DOCK2: variants seen among roughly 807,000 people sequenced by gnomAD.
DOCK2 encodes dedicator of cytokinesis 2.
A neutral mutation model predicts 248.9 loss-of-function variants in DOCK2; 87 were observed. That is an observed-to-expected ratio of 0.35 (90% CI 0.29 to 0.42). The LOEUF is 0.42. Ranked by LOEUF, DOCK2 falls within the 10% of genes least tolerant of loss-of-function variation. The pLI is 1.00. For missense variants in DOCK2, 1,747 were observed against 2,300.2 expected, an observed-to-expected ratio of 0.76 and a Z score of 4.92; for synonymous variants, 805 against 821.6, an observed-to-expected ratio of 0.98 and a Z score of 0.35.
Position 169,840,829 on chromosome 5 carries a change from A to G in DOCK2, c.2776A>G (p.Met926Val), listed in dbSNP as rs756203819. ...GACAGTGAACCGGACAGTCATCACC[A>G]TGGGCCGGGATCACATTCTGATTGT... ...LRTVNRTVIT[M>V]GRDHILISHF... Residue 926 changes from methionine (M) to valine (V), a missense_variant, in exon 27 of 52, where the codon ATG becomes GTG. Around this residue, in one of 4 missense-constraint regions of DOCK2, gnomAD observed 858 missense variants for 1,183.5 expected, o/e 0.72. Coordinates refer to ENST00000520908, the MANE Select transcript of DOCK2 (RefSeq NM_004946.3). 2.5e-6 allele frequency: 4 copies of G among 1,613,902 alleles called. No homozygotes were observed. The highest frequency in any genetic ancestry group is 2.2e-5 in the East Asian group (1 of 44,864).
chr5:169,848,917 C>G (rs1770471185), intron 27 of DOCK2, among the ~76,000 whole-genome samples: 1 of 152,132 alleles, frequency 6.6e-6, no homozygotes, highest in Admixed American at 6.5e-5. Context: ...CTTCAAAGCT[C>G]TGACTTCACT....
intron 27 of DOCK2, among the ~76,000 whole-genome samples, chr5:169,847,664 C>T (rs1307533123): frequency 6.6e-6 from 1 of 152,078 alleles, no homozygotes; most frequent in Non-Finnish European, 1.5e-5. Flanking sequence ...TTTTCTATCT[C>T]CCAAGCTCCT....
chr5:169,979,880 C>A (rs1218767609), intron 27 of DOCK2, among the ~76,000 whole-genome samples: 1 of 152,154 alleles, frequency 6.6e-6, no homozygotes, highest in Non-Finnish European at 1.5e-5. Context: ...AACAGCCACT[C>A]TCTCTAGATG....
chr5:169,836,838 GA>G (rs550506818), intron 26 of DOCK2, among the ~76,000 whole-genome samples: 33 of 148,984 alleles, frequency 2.2e-4, no homozygotes, highest in African/African-American at 6.9e-4. Context: ...AAAGAAAAAT[GA>G]AAAAAAAAGG....
chr5:169,641,398 GTCGCA>G (rs2113084908), intron 1 of DOCK2, among the ~76,000 whole-genome samples: 1 of 152,328 alleles, frequency 6.6e-6, no homozygotes, highest in South Asian at 2.1e-4. Flanking sequence ...GGGTGATGCT[GTCGCA>G]GCCCAGGACC....
rs573792558 is a variant in DOCK2 at position 170,016,538 on chromosome 5, A to G, written c.3233-2422A>G. ...TGAGGTCACACTGTATTTGGAGATC[A>G]CCATCTCTCTCTCCGCTTTCCCTAT... On this transcript the variant is annotated intron_variant, in intron 32 of 51. Transcript: ENST00000520908. 6.6e-5 allele frequency among the ~76,000 whole-genome samples: 10 copies of G among 152,344 alleles called. No homozygotes were observed. In the South Asian group the frequency reaches 1.0e-3, roughly 16 times the overall value.
At chr5:169,826,252 G>C (rs532599587) in intron 26 of DOCK2, among the ~76,000 whole-genome samples, 20 of 152,286 alleles carry the variant, frequency 1.3e-4, no homozygotes, top group Admixed American at 1.2e-3. Context: ...AAAAGAACAA[G>C]CAACTTTGCC....
intron 9 of DOCK2, among the ~76,000 whole-genome samples, chr5:169,692,293 G>A (rs1760352753): frequency 6.6e-6 from 1 of 152,194 alleles, no homozygotes; most frequent in Admixed American, 6.5e-5. Context: ...AATAAAAGAA[G>A]CACTAATGAG....
At chr5:169,710,722 C>G (rs917835429) in intron 15 of DOCK2, among the ~76,000 whole-genome samples, 1 of 152,202 alleles carries the variant, frequency 6.6e-6, no homozygotes, top group Non-Finnish European at 1.5e-5. Context: ...CAGCGGTTCT[C>G]CACTTATTAC....
In DOCK2 at chr5:169,699,464, G is replaced by T; in HGVS notation, c.1132+6G>T. 2 of 1,611,366 alleles carry T rather than the reference G, an allele frequency of 1.2e-6. No homozygotes were observed. The highest frequency in any genetic ancestry group is 1.7e-6 in the Non-Finnish European group (2 of 1,178,418). On this transcript the variant is annotated splice_donor_region_variant and intron_variant, in intron 12 of 51. Coordinates refer to ENST00000520908, the MANE Select transcript of DOCK2 (RefSeq NM_004946.3). Reference sequence around the variant, plus strand: ...GGGGGACAGTGGAGGGCAAGGTAAAGTGCCAATATGCCAGTGGGCTGAGCC... The same window carrying T: ...GGGGGACAGTGGAGGGCAAGGTAAATTGCCAATATGCCAGTGGGCTGAGCC...
intron 1 of DOCK2, among the ~76,000 whole-genome samples, chr5:169,639,167 T>C (rs1003272947): frequency 6.6e-6 from 1 of 152,112 alleles, no homozygotes; most frequent in Non-Finnish European, 1.5e-5. Flanking sequence ...GAGTGGGGAA[T>C]TGGACTTAGA....
intron 41 of DOCK2, among the ~76,000 whole-genome samples, chr5:170,052,084 G>T (rs988960780): frequency 2.0e-5 from 3 of 152,202 alleles, no homozygotes; most frequent in African/African-American, 4.8e-5. Context: ...GCATTGCACC[G>T]TTTAGCACAA....
chr5:170,036,773 G>A (rs1263184341), intron 36 of DOCK2, among the ~76,000 whole-genome samples: 2 of 152,168 alleles, frequency 1.3e-5, no homozygotes, highest in African/African-American at 4.8e-5. Context: ...GGCCTTCCAT[G>A]CTGTCCTGTT....
chr5:170,008,866 C>T (rs1755169334), intron 32 of DOCK2, 120 bp downstream of exon 32: 7 of 1,205,924 alleles, frequency 5.8e-6, no homozygotes, highest in Admixed American at 5.3e-5. Context: ...CAGTTCATTA[C>T]TGTGTGTACC....
intron 41 of DOCK2, among the ~76,000 whole-genome samples, chr5:170,053,845 G>A (rs1162131072): frequency 6.6e-6 from 1 of 152,094 alleles, no homozygotes; most frequent in Non-Finnish European, 1.5e-5. Context: ...ACTAGGTTTT[G>A]GTCATTTCTT....
intron 27 of DOCK2, among the ~76,000 whole-genome samples, chr5:169,961,859 A>ATCCCAGCT (rs1777098452): frequency 1.3e-5 from 2 of 151,496 alleles, no homozygotes; most frequent in African/African-American, 4.9e-5. Context: ...GGCACCTGTA[A>ATCCCAGCT]TCCCAGCTAC....
chr5:169,791,457 G>C (rs1013389824), intron 25 of DOCK2, among the ~76,000 whole-genome samples: 3 of 152,098 alleles, frequency 2.0e-5, no homozygotes, highest in Non-Finnish European at 4.4e-5. Flanking sequence ...CAGTCCCCTG[G>C]GACTGTAACT....
chr5:169,735,638 A>T (rs545079134), intron 22 of DOCK2, among the ~76,000 whole-genome samples: 1 of 152,182 alleles, frequency 6.6e-6, no homozygotes, highest in Non-Finnish European at 1.5e-5. Context: ...TGACTGGTGC[A>T]TAGTAGATGC....
intron 34 of DOCK2, among the ~76,000 whole-genome samples, chr5:170,030,849 TG>T (rs1405670496): frequency 6.6e-6 from 1 of 152,172 alleles, no homozygotes; most frequent in Admixed American, 6.5e-5. Flanking sequence ...GGGCCCCCAC[TG>T]GGCAGATACA....
Sources: allele counts gnomAD v4.1 joint callset (sites outside exome capture counted in the v4.1 genomes callset), GRCh38; gene constraint gnomAD v4.1.1; regional missense constraint gnomAD v4.1.1; transcripts MANE v1.5; gene names NCBI Gene and HGNC (gene_info 2026-07-23, HGNC 2026-07-21).